Variants in REDIC1 observed in about 807,000 individuals in gnomAD.
The protein encoded by REDIC1 is regulator of DNA class I crossover intermediates 1, also known as HEI10 Interacting Protein 1.
the REDIC1 span, among the ~76,000 whole-genome samples, chr12:39,701,263 C>T: frequency 4.6e-5 from 7 of 151,146 alleles, no homozygotes; most frequent in South Asian, 4.2e-4. Flanking sequence ...AAATGGAAAA[C>T]AAAAAAAGGC....
At chr12:39,850,005 T>A in the REDIC1 span, among the ~76,000 whole-genome samples, 4 of 152,182 alleles carry the variant, frequency 2.6e-5, no homozygotes, top group Admixed American at 6.5e-5. Flanking sequence ...TTTCCTCATT[T>A]TTCTTGAAAA....
chr12:39,780,966 T>G, the REDIC1 span, among the ~76,000 whole-genome samples: 1 of 152,210 alleles, frequency 6.6e-6, no homozygotes, highest in Non-Finnish European at 1.5e-5. Flanking sequence ...TTGTAAATAA[T>G]GAGGAGATGG....
the REDIC1 span, among the ~76,000 whole-genome samples, chr12:39,763,274 T>C: frequency 2.6e-5 from 4 of 152,058 alleles, no homozygotes; most frequent in Non-Finnish European, 5.9e-5. Flanking sequence ...TAAGTGGTGA[T>C]TAGGAGAGAG....
the REDIC1 span, among the ~76,000 whole-genome samples, chr12:39,713,388 G>T: frequency 1.4e-5 from 2 of 139,668 alleles, no homozygotes; most frequent in Non-Finnish European, 3.2e-5. Context: ...ATATGTATGT[G>T]TGTAGACACA....
At chr12:39,758,022 TAGATAAGAAATTTCTTATG>T in the REDIC1 span, 1 of 151,790 alleles carries the variant, frequency 6.6e-6, no homozygotes, top group Non-Finnish European at 1.5e-5. Context: ...TGTAAAATAT[TAGATAAGAAATTTCTTATG>T]AGATAAGAAA....
the REDIC1 span, among the ~76,000 whole-genome samples, chr12:39,742,691 T>G: frequency 6.6e-6 from 1 of 152,208 alleles, no homozygotes; most frequent in African/African-American, 2.4e-5. Context: ...TTTTTCATGT[T>G]GTATTTTATA....
chr12:39,778,696 C>T, the REDIC1 span, among the ~76,000 whole-genome samples: 1 of 152,142 alleles, frequency 6.6e-6, no homozygotes, highest in Non-Finnish European at 1.5e-5. Context: ...TCATTCATTT[C>T]TTCACTCATT....
the REDIC1 span, chr12:39,683,466 A>G: frequency 1.3e-6 from 2 of 1,598,910 alleles, no homozygotes; most frequent in East Asian, 4.5e-5. Flanking sequence ...AGTATTCAGA[A>G]ATATCCAGCA....
chr12:39,716,414 TCTTC>T, the REDIC1 span, among the ~76,000 whole-genome samples: 1 of 152,056 alleles, frequency 6.6e-6, no homozygotes, highest in African/African-American at 2.4e-5. Context: ...CTTGGTTTTC[TCTTC>T]CTTCCCTCAG....
At chr12:39,858,072 CAA>C in the REDIC1 span, among the ~76,000 whole-genome samples, 1 of 152,198 alleles carries the variant, frequency 6.6e-6, no homozygotes, top group Non-Finnish European at 1.5e-5. Context: ...ATGGCGAACT[CAA>C]AGAATATGTC....
At chr12:39,678,011 T>G in the REDIC1 span, among the ~76,000 whole-genome samples, 1 of 151,930 alleles carries the variant, frequency 6.6e-6, no homozygotes, top group Non-Finnish European at 1.5e-5. Context: ...AAATAGACAA[T>G]CTAAGGTCAC....
chr12:39,626,885 T>C, the REDIC1 span, among the ~76,000 whole-genome samples: 1 of 152,242 alleles, frequency 6.6e-6, no homozygotes, highest in East Asian at 1.9e-4. Flanking sequence ...TTGAATAACT[T>C]GAGCGAATTT....
the REDIC1 span, among the ~76,000 whole-genome samples, chr12:39,794,224 T>G: frequency 6.6e-6 from 1 of 151,962 alleles, no homozygotes. Context: ...AGCTCTCCCT[T>G]TGTTGCTTTT....
the REDIC1 span, among the ~76,000 whole-genome samples, chr12:39,897,916 A>G: frequency 3.9e-5 from 6 of 152,074 alleles, no homozygotes; most frequent in African/African-American, 1.4e-4. Flanking sequence ...TAGATCTATG[A>G]AATATAAGAA....
the REDIC1 span, among the ~76,000 whole-genome samples, chr12:39,648,273 G>T: frequency 3.3e-5 from 5 of 152,062 alleles, no homozygotes; most frequent in Middle Eastern, 3.4e-3. Context: ...AGTAGTTGAA[G>T]TTTATAATCA....
the REDIC1 span, among the ~76,000 whole-genome samples, chr12:39,685,526 T>C: frequency 6.6e-6 from 1 of 152,078 alleles, no homozygotes; most frequent in Non-Finnish European, 1.5e-5. Context: ...GAGAAACCAC[T>C]GCCCTGCTAT....
the REDIC1 span, among the ~76,000 whole-genome samples, chr12:39,771,341 G>A: frequency 6.6e-6 from 1 of 152,172 alleles, no homozygotes; most frequent in Non-Finnish European, 1.5e-5. Flanking sequence ...TTCCAGTGCT[G>A]TTGAGCTGAA....
chr12:39,859,331 CTGA>C, the REDIC1 span, among the ~76,000 whole-genome samples: 1 of 36,422 alleles, frequency 2.7e-5, no homozygotes, highest in African/African-American at 1.3e-4. Flanking sequence ...TTTTTTTTTT[CTGA>C]AAAAAAAAAA....
At chr12:39,777,608 G>A in the REDIC1 span, among the ~76,000 whole-genome samples, 1 of 152,118 alleles carries the variant, frequency 6.6e-6, no homozygotes, top group Non-Finnish European at 1.5e-5. Context: ...CCCCCATCCT[G>A]TGCCTATAAA....
Sources: allele counts gnomAD v4.1 joint callset (sites outside exome capture counted in the v4.1 genomes callset), GRCh38; gene constraint gnomAD v4.1.1; transcripts MANE v1.5; gene names NCBI Gene and HGNC (gene_info 2026-07-23, HGNC 2026-07-21).